Variants in TRIM52 observed in about 807,000 individuals in gnomAD.
TRIM52 encodes tripartite motif containing 52, also known as E3 ubiquitin-protein ligase TRIM52.
In TRIM52, 24 loss-of-function variants were observed where a neutral mutation model predicts 27.0. The ratio of observed to expected loss-of-function variants is 0.89; its 90% CI spans 0.64 to 1.25. The LOEUF (loss-of-function observed/expected upper bound fraction) is 1.25. Ranked by LOEUF, TRIM52 falls within the 50% of genes most tolerant of loss-of-function variation. TRIM52 has a pLI of 0.00. For synonymous variants in TRIM52, 125 were observed against 126.5 expected (o/e 0.99, Z 0.08); for missense variants, 351 against 354.7 (o/e 0.99, Z 0.08).
downstream of TRIM52, among the ~76,000 whole-genome samples, chr5:181,249,208 T>C (rs1398485243): frequency 6.6e-6 from 1 of 152,194 alleles, no homozygotes; most frequent in East Asian, 1.9e-4. Flanking sequence ...AGCCAAAGGC[T>C]GAGATGCTGT....
chr5:181,257,266 A>C (rs1759821193), intron 1 of TRIM52: 2 of 1,296,530 alleles, frequency 1.5e-6, no homozygotes, highest in Non-Finnish European at 2.0e-6. Flanking sequence ...TCTGGGCCAA[A>C]AAGCCTCTTC....
intron 1 of TRIM52, 122 bp from the exon 2 acceptor site, chr5:181,256,981 TCCC>T (rs1759808049): frequency 1.0e-6 from 1 of 987,220 alleles, no homozygotes; most frequent in African/African-American, 1.7e-5. Flanking sequence ...AAGCATCTGG[TCCC>T]TCTTGCAGAG....
downstream of TRIM52, among the ~76,000 whole-genome samples, chr5:181,253,234 C>T (rs1759678092): frequency 7.1e-6 from 1 of 141,674 alleles, no homozygotes; most frequent in African/African-American, 3.0e-5. Context: ...AGGGTTTCTC[C>T]ATGTTGGTCA....
intron 1 of TRIM52, 113 bp from the exon 2 acceptor site, chr5:181,256,972 A>G: frequency 2.0e-6 from 2 of 986,832 alleles, no homozygotes; most frequent in Non-Finnish European, 2.4e-6. Context: ...TGATGATGGA[A>G]GCATCTGGTC....
rs572277736 is a variant in TRIM52 at position 181,256,017 on chromosome 5, T to C, written c.*792A>G. 1 of 152,346 alleles carries C rather than the reference T, an allele frequency of 6.6e-6. No individual in the cohort carries two copies. The highest frequency in any genetic ancestry group is 1.9e-4 in the East Asian group (1 of 5,190). The allele number at this position is 152,346 out of a possible 1,614,324, so 9.4% of individuals were successfully genotyped here. On this transcript the variant is annotated 3_prime_UTR_variant, in exon 2 of 2. Coordinates refer to ENST00000688015, the MANE Select transcript of TRIM52 (RefSeq NM_001346048.2). ...GAATGGAATGTACTGTTTCTCACAG[T>C]GGTCTATGCTGACAGCAAGGCTGAA...
chr5:181,257,585 T>G lies in TRIM52; in HGVS notation c.814-726A>C, dbSNP rs1275833032. Reference sequence around the variant, plus strand: ...TATTAAATAAACCATTATACAAAAATAGTTCCTTGTACTGTTAACTATTAT... The same window carrying G: ...TATTAAATAAACCATTATACAAAAAGAGTTCCTTGTACTGTTAACTATTAT... On this transcript the variant is annotated intron_variant, in intron 1 of 1. Transcript: ENST00000688015. 7 of 1,022,560 alleles carry G rather than the reference T, an allele frequency of 6.8e-6. No individual in the cohort carries two copies. The East Asian group carries it at 2.0e-4, about 29-fold the overall frequency. 63.3% of individuals were successfully genotyped at this position (1,022,560 alleles called of 1,614,324 possible). A position where few individuals can be genotyped will look rare whatever the true frequency, so the allele number is the denominator to read the frequency against.
chr5:181,257,289 A>C, intron 1 of TRIM52: 1 of 1,307,014 alleles, frequency 7.7e-7, no homozygotes, highest in Non-Finnish European at 9.8e-7. Flanking sequence ...ACAGAAAATC[A>C]AATTTTAAAA....
At chr5:181,255,004 A>G (rs1183666642), downstream of TRIM52, 1 of 152,240 alleles carries the variant, frequency 6.6e-6, no homozygotes, top group Non-Finnish European at 1.5e-5. Flanking sequence ...GAAGACATTC[A>G]ATAAACAGGT....
intron 1 of TRIM52, chr5:181,257,577 T>C: frequency 8.8e-7 from 1 of 1,142,348 alleles, no homozygotes; most frequent in Non-Finnish European, 1.2e-6. Context: ...TAAACCATTA[T>C]ACAAAAATAG....
chr5:181,252,936 A>C (rs1482063445), downstream of TRIM52, among the ~76,000 whole-genome samples: 1 of 152,164 alleles, frequency 6.6e-6, no homozygotes. Context: ...TGACATAAGC[A>C]GCGGTAATGT....
chr5:181,252,570 A>G (rs76713310), downstream of TRIM52, among the ~76,000 whole-genome samples: 2,155 of 152,332 alleles, frequency 0.014, 43 homozygotes, highest in African/African-American at 0.05. Flanking sequence ...AAATATTTGC[A>G]ATAACTTCAC....
chr5:181,259,652 A>AT (rs1759943488), intron 1 of TRIM52: 1 of 357,526 alleles, frequency 2.8e-6, no homozygotes, highest in South Asian at 2.6e-5. Context: ...GTCCCAGGGA[A>AT]TTGGTCAAGG....
chr5:181,257,560 T>C (rs1759835657), intron 1 of TRIM52: 2 of 1,320,192 alleles, frequency 1.5e-6, no homozygotes, highest in Admixed American at 2.0e-5. Context: ...ATGTATACTG[T>C]ATTAAATAAA....
Position 181,257,432 on chromosome 5 carries a change from G to A in TRIM52, c.814-573C>T, listed in dbSNP as rs368009092. On this transcript the variant is annotated intron_variant, in intron 1 of 1. Coordinates refer to ENST00000688015, the MANE Select transcript of TRIM52 (RefSeq NM_001346048.2). ...ACACATCTTACTGATTATAGGCCTT[G>A]CTGTGAATGCTTTCTTGCTCTATCT... 1.3e-5 allele frequency: 21 copies of A among 1,612,774 alleles called. No individual in the cohort carries two copies. In the African/African-American group the frequency reaches 2.7e-4, roughly 20 times the overall value.
intron 1 of TRIM52, chr5:181,257,157 G>T: frequency 8.7e-7 from 1 of 1,146,718 alleles, no homozygotes; most frequent in Non-Finnish European, 1.1e-6. Context: ...AAATCTAAAT[G>T]ATCTTACTTT....
Position 181,260,727 on chromosome 5 carries a change from G to A in TRIM52, c.87C>T (p.Asp29=), listed in dbSNP as rs1760025434. The A allele has an allele frequency of 6.2e-7, 1 of 1,613,888 alleles. No homozygotes were observed. The highest frequency in any genetic ancestry group is 8.5e-7 in the Non-Finnish European group (1 of 1,180,006). Residue 29 remains aspartate, a synonymous_variant, in exon 1 of 2, where the codon GAC becomes GAT. Coordinates refer to ENST00000688015, the MANE Select transcript of TRIM52 (RefSeq NM_001346048.2). The surrounding 1 kb of genome is among the most constrained non-coding windows in gnomAD (Gnocchi z 4.4). ...TGTGCCCACAGCTGATGGACACGGG[G>A]TCCTTGAAGTAATCCAAGCAGATGG... ...VCAICLDYFK[D]PVSISCGHNF...
At position 181,260,294 on chromosome 5, in the gene TRIM52, A is replaced by G; in HGVS notation, c.520T>C (p.Ser174Pro). Reference protein sequence around the residue: ...ELYPDIHPPPSLPLPGQFTCP... With the variant: ...ELYPDIHPPPPLPLPGQFTCP... Reference sequence around the variant, plus strand: ...GTGAACTGCCCTGGAAGGGGCAAGGAAGGAGGCGGGTGGATGTCAGGATAC... The same window carrying G: ...GTGAACTGCCCTGGAAGGGGCAAGGGAGGAGGCGGGTGGATGTCAGGATAC... Residue 174 changes from serine to proline, a missense_variant, in exon 1 of 2, where the codon TCC (serine) becomes CCC (proline). Transcript: ENST00000688015. The surrounding 1 kb of genome is among the most constrained non-coding windows in gnomAD (Gnocchi z 4.4). 1 of 1,614,114 alleles carries G rather than the reference A, an allele frequency of 6.2e-7. No individual in the cohort carries two copies. The highest frequency in any genetic ancestry group is 1.3e-5 in the African/African-American group (1 of 75,012).
rs991160309 is a variant in TRIM52, at chr5:181,260,969, C to T, written c.-156G>A. On this transcript the variant is annotated 5_prime_UTR_variant, in exon 1 of 2. Coordinates refer to ENST00000688015, the MANE Select transcript of TRIM52 (RefSeq NM_001346048.2). This position sits in a 1 kb window ranked among gnomAD's most constrained non-coding sequence, Gnocchi z 4.4. ...GCAGGGGAGCTTTGACCCCCTCTCT[C>T]AGGGTGCGAACGCCCAGATCCAGAC... is the stretch of plus-strand genomic sequence containing the variant. 12 of 1,172,714 alleles carry T rather than the reference C, an allele frequency of 1.0e-5. No individual in the cohort carries two copies. Among genetic ancestry groups the T allele is most frequent in the Non-Finnish European group, 1.3e-5 (11 of 862,810 alleles). 72.6% of individuals were successfully genotyped at this position (1,172,714 alleles called of 1,614,324 possible). A position where few individuals can be genotyped will look rare whatever the true frequency, so the allele number is the denominator to read the frequency against.
Position 181,256,853 on chromosome 5 carries a change from C to G in TRIM52, c.820G>C (p.Gly274Arg). 1 of 985,440 alleles carries G rather than the reference C, an allele frequency of 1.0e-6. No homozygotes were observed. The highest frequency in any genetic ancestry group is 1.2e-6 in the Non-Finnish European group (1 of 829,962). 61.0% of individuals were successfully genotyped at this position (985,440 alleles called of 1,614,324 possible). A position where few individuals can be genotyped will look rare whatever the true frequency, so the allele number is the denominator to read the frequency against. The change falls in exon 2 of 2, where the codon GGG (glycine) becomes CGG (arginine). Residue 274 changes from glycine (G) to arginine (R), a missense_variant. Physicochemically the swap from Gly to Arg is moderately radical, Grantham distance 125 (BLOSUM62 -2). Transcript: ENST00000688015. ...GATAACTCAACTGAAGAAGTTGACC[C>G]TATCTTCTGCAAAATAACATGAGTA... is the stretch of plus-strand genomic sequence containing the variant. ...EEVVQEYQKI[G>R]STSSVELSES...
Sources: allele counts gnomAD v4.1 joint callset (sites outside exome capture counted in the v4.1 genomes callset), GRCh38; gene constraint gnomAD v4.1.1; non-coding constraint Gnocchi (gnomAD v3.1); transcripts MANE v1.5; gene names NCBI Gene and HGNC (gene_info 2026-07-23, HGNC 2026-07-21).